PRDM11: variants seen among roughly 807,000 people sequenced by gnomAD.
The protein encoded by PRDM11 is PR/SET domain 11.
In PRDM11, 20 loss-of-function variants were observed where a neutral mutation model predicts 97.8. That is an observed-to-expected ratio of 0.20 (90% CI 0.14 to 0.30). The LOEUF (loss-of-function observed/expected upper bound fraction) is 0.30, where lower values mean the gene tolerates loss of function less well. Ranked by LOEUF, PRDM11 falls within the 10% of genes least tolerant of loss-of-function variation. The pLI, the probability that PRDM11 is intolerant of heterozygous loss-of-function variation, is 1.00. For missense variants in PRDM11, 1,139 were observed against 1,555.2 expected (o/e 0.73, Z 4.50); for synonymous variants, 599 against 637.7 (o/e 0.94, Z 0.91).
intron 1 of PRDM11, among the ~76,000 whole-genome samples, chr11:45,167,294 A>G (rs1852086523): frequency 6.6e-6 from 1 of 152,214 alleles, no homozygotes; most frequent in African/African-American, 2.4e-5. Flanking sequence ...AATGACACAC[A>G]CGTGCACACA....
intron 1 of PRDM11, among the ~76,000 whole-genome samples, chr11:45,118,809 C>T (rs185098149): frequency 7.9e-5 from 12 of 152,294 alleles, no homozygotes; most frequent in Admixed American, 6.5e-4. Flanking sequence ...TGAATACTCA[C>T]TCTTGTTATT....
chr11:45,226,222 C>T lies in PRDM11; in HGVS notation c.1597C>T (p.Arg533Cys). ...CAATGAGATGTGGTGCCACGTCTGC[C>T]GCCAGTACACGGTGCAGTCCTCACG... ...TLNEMWCHVC[R>C]QYTVQSSRTS... Residue 533 changes from arginine (R) to cysteine (C), a missense_variant, in exon 8 of 8, where the codon CGC (arginine) becomes TGC (cysteine). Transcript: ENST00000683152. 2 of 1,533,940 alleles carry T rather than the reference C, an allele frequency of 1.3e-6. No homozygotes were observed. Among genetic ancestry groups the T allele is most frequent in the South Asian group, 1.2e-5 (1 of 83,972 alleles).
Position 45,182,143 on chromosome 11 carries a change from A to G in PRDM11, c.120-103A>G. ...TGGCTGGGACTCCTCTGCCCACCCC[A>G]CATCTTCTCGGTCTCCTGGCCAGGT... On this transcript the variant is annotated intron_variant, in intron 2 of 7. Coordinates refer to ENST00000683152, the MANE Select transcript of PRDM11 (RefSeq NM_001384648.1). 3.0e-6 allele frequency: 3 copies of G among 1,014,536 alleles called. No individual in the cohort carries two copies. The South Asian group carries it at 4.5e-5, about 15-fold the overall frequency. 62.8% of individuals were successfully genotyped at this position (1,014,536 alleles called of 1,614,324 possible).
intron 1 of PRDM11, among the ~76,000 whole-genome samples, chr11:45,126,120 T>C (rs1341415211): frequency 6.6e-6 from 1 of 152,162 alleles, no homozygotes; most frequent in Non-Finnish European, 1.5e-5. Flanking sequence ...GGATCTTTGT[T>C]GGTTTAAAGT....
intron 1 of PRDM11, among the ~76,000 whole-genome samples, chr11:45,136,449 T>C (rs1374084081): frequency 1.6e-4 from 25 of 152,038 alleles, no homozygotes; most frequent in Admixed American, 1.6e-3. Context: ...CAAGGAGGCA[T>C]CTAAAGTATT....
intron 4 of PRDM11, among the ~76,000 whole-genome samples, chr11:45,190,429 T>A (rs1852869755): frequency 6.6e-6 from 1 of 151,646 alleles, no homozygotes; most frequent in Non-Finnish European, 1.5e-5. Context: ...ATTACAGGCA[T>A]GAGCCACCGC....
At chr11:45,136,864 C>T (rs938831590) in intron 1 of PRDM11, among the ~76,000 whole-genome samples, 5 of 151,650 alleles carry the variant, frequency 3.3e-5, no homozygotes, top group Non-Finnish European at 7.4e-5. Context: ...AGATGGGGGC[C>T]GGGCACAGAG....
At chr11:45,103,950 C>T (rs1266873155) in intron 1 of PRDM11, among the ~76,000 whole-genome samples, 3 of 152,114 alleles carry the variant, frequency 2.0e-5, no homozygotes, top group Admixed American at 1.3e-4. Flanking sequence ...TCACTCAGCA[C>T]TTTCAAATAT....
chr11:45,177,701 T>C (rs567618454), intron 1 of PRDM11, among the ~76,000 whole-genome samples: 1 of 152,318 alleles, frequency 6.6e-6, no homozygotes, highest in African/African-American at 2.4e-5. Context: ...TAGAAAGAAA[T>C]TATATGTGCA....
At chr11:45,119,619 C>CAAAAAAAA (rs56367204) in intron 1 of PRDM11, among the ~76,000 whole-genome samples, 2 of 43,048 alleles carry the variant, frequency 4.6e-5, no homozygotes, top group African/African-American at 2.7e-4. Flanking sequence ...GATTCTGTCT[C>CAAAAAAAA]AAAAAAAAAA....
upstream of PRDM11, among the ~76,000 whole-genome samples, chr11:45,094,211 C>T (rs1479378085): frequency 1.3e-5 from 2 of 152,200 alleles, no homozygotes; most frequent in Non-Finnish European, 2.9e-5. Context: ...CCCTTGTCCT[C>T]CTCTGGGGGT....
rs981954571 is a variant in PRDM11, at chr11:45,226,125, C to T, written c.1500C>T (p.Thr500=). 2.1e-5 allele frequency: 32 copies of T among 1,533,046 alleles called. No homozygotes were observed. The East Asian group carries it at 2.2e-4, about 11-fold the overall frequency. 95.0% of individuals were successfully genotyped at this position (1,533,046 alleles called of 1,614,324 possible). Residue 500 remains threonine (T), a synonymous_variant, in exon 8 of 8, where the codon ACC becomes ACT. Transcript: ENST00000683152. The stretch of plus-strand genomic sequence containing the variant: ...AGCCCTCCAAGATGTCATCGGCCAC[C>T]GGGCGCCGAATCCGGCGCTTTAAGC... ...TDEPSKMSSA[T]GRRIRRFKQE... is the part of the protein sequence containing the mutation.
chr11:45,226,917 G>A lies in PRDM11; in HGVS notation c.2292G>A (p.Arg764=). 1 of 1,533,952 alleles carries A rather than the reference G, an allele frequency of 6.5e-7. No individual in the cohort carries two copies. Among genetic ancestry groups the A allele is most frequent in the Non-Finnish European group, 8.7e-7 (1 of 1,146,748 alleles). Reference sequence around the variant, plus strand: ...TGTGCCTGCCCTTCATGGTGCACCGGCCCCACCTGGAGATCCTGGATGCCA... The same window carrying A: ...TGTGCCTGCCCTTCATGGTGCACCGACCCCACCTGGAGATCCTGGATGCCA... ...WLLCLPFMVH[R]PHLEILDAIS... The change falls in exon 8 of 8, where the codon CGG becomes CGA. Residue 764 remains arginine (R), a synonymous_variant. Transcript: ENST00000683152.
In PRDM11 at chr11:45,233,114, T is replaced by C. The variant is rs1854431545; in HGVS notation, c.*4955T>C. 6.6e-6 allele frequency: 1 copy of C among 152,228 alleles called. No homozygotes were observed. Among genetic ancestry groups the C allele is most frequent in the African/African-American group, 2.4e-5 (1 of 41,464 alleles). 9.4% of individuals were successfully genotyped at this position (152,228 alleles called of 1,614,324 possible). ...GTCTATATATCTATAAATAATATCCTATATATTTATACATTTCTATGTTTT... is the reference window on the plus strand; with the variant it reads ...GTCTATATATCTATAAATAATATCCCATATATTTATACATTTCTATGTTTT... On this transcript the variant is annotated 3_prime_UTR_variant, in exon 8 of 8. Transcript: ENST00000683152.
chr11:45,216,985 A>G (rs1280337374), intron 5 of PRDM11, among the ~76,000 whole-genome samples: 2 of 152,228 alleles, frequency 1.3e-5, no homozygotes, highest in African/African-American at 2.4e-5. Context: ...GGAAGAAAAA[A>G]AGGAGAAGAC....
chr11:45,193,222 G>A (rs974637304), intron 4 of PRDM11, among the ~76,000 whole-genome samples: 1 of 152,228 alleles, frequency 6.6e-6, no homozygotes, highest in African/African-American at 2.4e-5. Flanking sequence ...GATCACAGGA[G>A]TGTGCCATCA....
chr11:45,226,153 G>C lies in PRDM11; in HGVS notation c.1528G>C (p.Glu510Gln). The stretch of plus-strand genomic sequence containing the variant: ...GCGCCGAATCCGGCGCTTTAAGCAG[G>C]AATGGCTGAAGAAGTTCTGGTTCCT... ...TGRRIRRFKQ[E>Q]WLKKFWFLRY... The change falls in exon 8 of 8, where the codon GAA becomes CAA. Residue 510 changes from glutamate to glutamine, a missense_variant. By Grantham distance (29) the Glu-to-Gln change is conservative. Coordinates refer to ENST00000683152, the MANE Select transcript of PRDM11 (RefSeq NM_001384648.1). The C allele has an allele frequency of 6.5e-7, 1 of 1,533,472 alleles. No homozygotes were observed. The highest frequency in any genetic ancestry group is 8.7e-7 in the Non-Finnish European group (1 of 1,146,274). 95.0% of individuals were successfully genotyped at this position (1,533,472 alleles called of 1,614,324 possible).
chr11:45,100,634 C>T (rs2008682543), intron 1 of PRDM11, among the ~76,000 whole-genome samples: 2 of 152,224 alleles, frequency 1.3e-5, no homozygotes, highest in South Asian at 4.1e-4. Flanking sequence ...GGTATGTTGA[C>T]ATCAGAGAGG....
Position 45,175,556 on chromosome 11 carries a change from T to C in PRDM11, c.-6-6205T>C, listed in dbSNP as rs191708666. Among the ~76,000 whole-genome samples the C allele has an allele frequency of 1.3e-3, 193 of 152,378 alleles. 1 individual carries two copies. The highest frequency in any genetic ancestry group is 4.3e-3 in the African/African-American group (179 of 41,594). On this transcript the variant is annotated intron_variant, in intron 1 of 7. Coordinates refer to ENST00000683152, the MANE Select transcript of PRDM11 (RefSeq NM_001384648.1). Reference sequence around the variant, plus strand: ...TTTCATTGTGATATAGCATAGCAATTTCCCCCATTTTGGAGGTTTAAATTC... The same window carrying C: ...TTTCATTGTGATATAGCATAGCAATCTCCCCCATTTTGGAGGTTTAAATTC...
Sources: allele counts gnomAD v4.1 joint callset (sites outside exome capture counted in the v4.1 genomes callset), GRCh38; gene constraint gnomAD v4.1.1; transcripts MANE v1.5; gene names NCBI Gene and HGNC (gene_info 2026-07-23, HGNC 2026-07-21).